KCNT2: variants seen among roughly 807,000 people sequenced by gnomAD.
KCNT2 encodes the protein potassium channel subfamily T member 2.
Under a neutral mutation model 153.8 loss-of-function variants are expected in KCNT2, and 67 were observed. The ratio of observed to expected loss-of-function variants is 0.44; its 90% CI spans 0.36 to 0.53. The LOEUF (loss-of-function observed/expected upper bound fraction) is 0.53. Ranked by LOEUF, KCNT2 falls within the 20% of genes least tolerant of loss-of-function variation. The pLI is 0.00. For missense variants in KCNT2, 975 were observed against 1,354.8 expected (o/e 0.72, Z 4.40); for synonymous variants, 500 against 458.8 (o/e 1.09, Z -1.15).
At chr1:196,237,971 C>T (rs1320139407) in intron 26 of KCNT2, among the ~76,000 whole-genome samples, 1 of 151,834 alleles carries the variant, frequency 6.6e-6, no homozygotes, top group Non-Finnish European at 1.5e-5. Context: ...TGAATTTCTA[C>T]AACTGTTGTG....
intron 14 of KCNT2, among the ~76,000 whole-genome samples, chr1:196,346,465 T>C (rs1316781436): frequency 1.3e-5 from 2 of 152,154 alleles, no homozygotes; most frequent in African/African-American, 4.8e-5. Flanking sequence ...TCTGTGCCTG[T>C]ATTAGAGGTA....
intron 1 of KCNT2, among the ~76,000 whole-genome samples, chr1:196,497,539 G>A (rs192872660): frequency 8.3e-4 from 126 of 152,118 alleles, no homozygotes; most frequent in Admixed American, 1.7e-3. Flanking sequence ...TTTTATATGA[G>A]GCACTTGAGC....
chr1:196,338,507 T>G (rs1665254244), intron 16 of KCNT2, among the ~76,000 whole-genome samples: 1 of 152,088 alleles, frequency 6.6e-6, no homozygotes, highest in African/African-American at 2.4e-5. Context: ...GGAACATTCC[T>G]AAGAAAACTA....
intron 4 of KCNT2, among the ~76,000 whole-genome samples, 187 bp downstream of exon 4, chr1:196,482,144 A>G (rs1187705993): frequency 6.6e-6 from 1 of 152,122 alleles, no homozygotes; most frequent in Non-Finnish European, 1.5e-5. Context: ...CGAAATCCTC[A>G]AGAGGTAGAA....
intron 13 of KCNT2, 69 bp from the exon 14 acceptor site, chr1:196,373,317 A>G (rs1414340630): frequency 8.1e-6 from 6 of 740,978 alleles, no homozygotes; most frequent in Admixed American, 2.2e-5. Context: ...AAAAAATAAA[A>G]CAAAATGAAT....
chr1:196,384,347 G>A lies in KCNT2; in HGVS notation c.1295-11099C>T, dbSNP rs554442315. Among the ~76,000 whole-genome samples the A allele has an allele frequency of 9.2e-5, 14 of 152,124 alleles. No individual in the cohort carries two copies. In the South Asian group the frequency reaches 2.9e-3, roughly 32 times the overall value. On this transcript the variant is annotated intron_variant, in intron 13 of 27. Transcript: ENST00000294725. ...CCACCCATACTCTTCCCTTACCAAT[G>A]AGGAAAGATGCTACAATTTGCCTGA...
intron 22 of KCNT2, among the ~76,000 whole-genome samples, chr1:196,300,694 C>T (rs1406427540): frequency 6.6e-6 from 1 of 152,104 alleles, no homozygotes; most frequent in African/African-American, 2.4e-5. Flanking sequence ...ACACAGATTC[C>T]CTGTTTCTTT....
At chr1:196,486,307 A>G (rs1486210746) in intron 3 of KCNT2, among the ~76,000 whole-genome samples, 2 of 152,004 alleles carry the variant, frequency 1.3e-5, no homozygotes, top group African/African-American at 2.4e-5. Flanking sequence ...CCTTTCCAAA[A>G]TATAAAAAAT....
chr1:196,489,763 G>T, intron 3 of KCNT2, 75 bp downstream of exon 3: 2 of 838,868 alleles, frequency 2.4e-6, no homozygotes, highest in Non-Finnish European at 3.9e-6. Flanking sequence ...TACACAACAT[G>T]CTTTAAATTT....
chr1:196,422,927 T>C, intron 12 of KCNT2, 123 bp downstream of exon 12: 1 of 536,886 alleles, frequency 1.9e-6, no homozygotes, highest in South Asian at 3.3e-5. Flanking sequence ...TAATATTTGT[T>C]TCCTTTTAGT....
At chr1:196,377,701 C>T (rs1669091805) in intron 13 of KCNT2, among the ~76,000 whole-genome samples, 2 of 151,996 alleles carry the variant, frequency 1.3e-5, no homozygotes, top group Admixed American at 1.3e-4. Flanking sequence ...ACATTGTTTG[C>T]TTGTGATCAA....
intron 8 of KCNT2, among the ~76,000 whole-genome samples, chr1:196,438,999 T>C (rs939584297): frequency 1.3e-5 from 2 of 151,896 alleles, no homozygotes; most frequent in Non-Finnish European, 2.9e-5. Context: ...ATGTTAAGTA[T>C]ACCTATTTTT....
intron 16 of KCNT2, among the ~76,000 whole-genome samples, chr1:196,339,685 A>G (rs1665421702): frequency 6.6e-6 from 1 of 152,106 alleles, no homozygotes; most frequent in South Asian, 2.1e-4. Flanking sequence ...TGAATGTATC[A>G]GTATTAGTTA....
At chr1:196,417,415 A>T (rs988105572) in intron 12 of KCNT2, among the ~76,000 whole-genome samples, 2 of 152,178 alleles carry the variant, frequency 1.3e-5, no homozygotes, top group East Asian at 1.9e-4. Context: ...GTCCAAAAAG[A>T]CAAGTTCCAT....
chr1:196,502,032 G>C (rs1363951163), intron 1 of KCNT2, among the ~76,000 whole-genome samples: 3 of 152,114 alleles, frequency 2.0e-5, no homozygotes, highest in Admixed American at 2.0e-4. Flanking sequence ...CAGGAGAATT[G>C]CTTGAACCCT....
intron 13 of KCNT2, among the ~76,000 whole-genome samples, chr1:196,381,187 T>A (rs974907719): frequency 6.6e-6 from 1 of 152,176 alleles, no homozygotes; most frequent in South Asian, 2.1e-4. Flanking sequence ...ATAATCTTTT[T>A]TGATGTTTCA....
intron 14 of KCNT2, among the ~76,000 whole-genome samples, chr1:196,350,627 C>A (rs746666315): frequency 2.0e-5 from 3 of 152,042 alleles, no homozygotes; most frequent in Admixed American, 1.3e-4. Flanking sequence ...GAGTAGGCTG[C>A]GAAAATTTTC....
At chr1:196,248,520 A>C (rs1389824098) in intron 26 of KCNT2, among the ~76,000 whole-genome samples, 1 of 152,062 alleles carries the variant, frequency 6.6e-6, no homozygotes, top group African/African-American at 2.4e-5. Context: ...ACTATGAACA[A>C]CTATATGACA....
At chr1:196,535,698 T>C (rs1363675070) in intron 1 of KCNT2, among the ~76,000 whole-genome samples, 1 of 152,028 alleles carries the variant, frequency 6.6e-6, no homozygotes, top group Non-Finnish European at 1.5e-5. Context: ...TCATAGACAG[T>C]TTCATCACAG....
Sources: gnomAD v4.1 joint callset for allele counts (sites outside exome capture counted in the v4.1 genomes callset) on GRCh38, gnomAD v4.1.1 for gene constraint, MANE v1.5 for transcripts, NCBI Gene and HGNC (gene_info 2026-07-23, HGNC 2026-07-21) for gene names.